Variants in STX18 observed in about 807,000 individuals in gnomAD.
STX18 encodes the protein syntaxin 18.
STX18 carries 40 observed loss-of-function variants against 50.1 expected under a neutral mutation model. That is an observed-to-expected ratio of 0.80 (90% CI 0.62 to 1.04). The LOEUF is 1.04. Ranked by LOEUF, STX18 falls within the 50% of genes least tolerant of loss-of-function variation. STX18 has a pLI of 0.00. For missense variants in STX18, 410 were observed against 415.8 expected (o/e 0.99, Z 0.12); for synonymous variants, 158 against 151.8 (o/e 1.04, Z -0.30).
In STX18 at chr4:4,438,386, A is replaced by G. The variant is rs371857532; in HGVS notation, c.613+8T>C. On this transcript the variant is annotated splice_region_variant and intron_variant, in intron 6 of 10. Coordinates refer to ENST00000306200, the MANE Select transcript of STX18 (RefSeq NM_016930.4). ...AATGCAAGGTGAGATTTTCATCTCA[A>G]TTCGTACCTGGACGTTCTTCAGTGG... is the stretch of plus-strand genomic sequence containing the variant. 431 of 1,603,088 alleles carry G rather than the reference A, an allele frequency of 2.7e-4. No homozygotes were observed. Among genetic ancestry groups the G allele is most frequent in the Non-Finnish European group, 3.6e-4 (418 of 1,172,346 alleles).
chr4:4,472,827 G>GA (rs1727988349), intron 1 of STX18, among the ~76,000 whole-genome samples: 2 of 152,160 alleles, frequency 1.3e-5, no homozygotes, highest in Admixed American at 6.5e-5. Flanking sequence ...GATCACAAAA[G>GA]AAACATCCAT....
chr4:4,474,194 G>A (rs969421908), intron 1 of STX18, among the ~76,000 whole-genome samples: 4 of 151,886 alleles, frequency 2.6e-5, no homozygotes, highest in Non-Finnish European at 4.4e-5. Context: ...TCCCATTCCC[G>A]CACAAAACGC....
intron 1 of STX18, among the ~76,000 whole-genome samples, chr4:4,495,320 T>C (rs2047646291): frequency 6.6e-6 from 1 of 152,202 alleles, no homozygotes; most frequent in African/African-American, 2.4e-5. Flanking sequence ...GTTAAAATGT[T>C]CTCTTACAAA....
intron 2 of STX18, among the ~76,000 whole-genome samples, chr4:4,461,069 C>G (rs1279254223): frequency 1.3e-5 from 2 of 152,100 alleles, no homozygotes; most frequent in African/African-American, 4.8e-5. Context: ...ATGACTAGTT[C>G]CAAGAACATT....
intron 9 of STX18, among the ~76,000 whole-genome samples, chr4:4,421,465 G>C (rs1724961234): frequency 6.6e-6 from 1 of 152,046 alleles, no homozygotes; most frequent in African/African-American, 2.4e-5. Flanking sequence ...ATGTTGCCCA[G>C]GCTGGTCTTG....
At chr4:4,515,463 A>C (rs904448974) in intron 1 of STX18, among the ~76,000 whole-genome samples, 3 of 152,182 alleles carry the variant, frequency 2.0e-5, no homozygotes, top group Non-Finnish European at 4.4e-5. Flanking sequence ...GTGGTGGTTC[A>C]TGGTAATTAA....
At chr4:4,541,119 C>T (rs1731566958) in intron 1 of STX18, among the ~76,000 whole-genome samples, 1 of 152,190 alleles carries the variant, frequency 6.6e-6, no homozygotes, top group Non-Finnish European at 1.5e-5. Flanking sequence ...ATTCAACAAA[C>T]ATTTACTAAG....
intron 1 of STX18, among the ~76,000 whole-genome samples, chr4:4,502,385 T>C (rs572839377): frequency 4.5e-4 from 68 of 152,316 alleles, no homozygotes; most frequent in African/African-American, 1.6e-3. Context: ...GTTACTAAGT[T>C]AGCAAGAAGC....
chr4:4,427,210 C>G (rs1310833409), intron 7 of STX18, among the ~76,000 whole-genome samples: 3 of 152,158 alleles, frequency 2.0e-5, no homozygotes, highest in Non-Finnish European at 4.4e-5. Flanking sequence ...ATCTGCTGCA[C>G]TCCAGACCCA....
intron 1 of STX18, among the ~76,000 whole-genome samples, chr4:4,492,837 G>A (rs1729002155): frequency 6.6e-6 from 1 of 152,124 alleles, no homozygotes; most frequent in African/African-American, 2.4e-5. Flanking sequence ...TTAAGAGATG[G>A]TAATAACAAA....
At chr4:4,528,561 C>G (rs1417590196) in intron 1 of STX18, among the ~76,000 whole-genome samples, 1 of 152,180 alleles carries the variant, frequency 6.6e-6, no homozygotes, top group Admixed American at 6.5e-5. Flanking sequence ...GAATCATAAG[C>G]CAAAATTAAC....
chr4:4,517,596 C>T (rs62286516), intron 1 of STX18, among the ~76,000 whole-genome samples: 3 of 151,942 alleles, frequency 2.0e-5, no homozygotes, highest in East Asian at 1.9e-4. Flanking sequence ...AATGCATAAA[C>T]GTGATTTATT....
intron 5 of STX18, among the ~76,000 whole-genome samples, chr4:4,441,734 C>T (rs368004618): frequency 6.6e-6 from 1 of 152,148 alleles, no homozygotes; most frequent in Non-Finnish European, 1.5e-5. Flanking sequence ...AGGTCCCATC[C>T]TGAAGCCGGA....
chr4:4,524,813 T>A (rs1730674943), intron 1 of STX18, among the ~76,000 whole-genome samples: 1 of 152,228 alleles, frequency 6.6e-6, no homozygotes, highest in Non-Finnish European at 1.5e-5. Context: ...CTGTAACTTA[T>A]AACCTTAGTA....
chr4:4,420,100 C>T lies in STX18; in HGVS notation c.942G>A (p.Val314=). Residue 314 remains valine (V), a synonymous_variant, in exon 11 of 11, where the codon GTG becomes GTA. Transcript: ENST00000306200. This position sits in a 1 kb window ranked among gnomAD's most constrained non-coding sequence, Gnocchi z 4.3. ...ACATCACGAGGAAGAAGAGGATCCACACGCGGAAGCCAGCGTTGTTTTTAA... is the reference window on the plus strand; with the variant it reads ...ACATCACGAGGAAGAAGAGGATCCATACGCGGAAGCCAGCGTTGTTTTTAA... ...EAIKNNAGFR[V]WILFFLVMCS... is the part of the protein sequence containing the mutation. 6.2e-7 allele frequency: 1 copy of T among 1,613,236 alleles called. No individual in the cohort carries two copies. The highest frequency in any genetic ancestry group is 8.5e-7 in the Non-Finnish European group (1 of 1,179,634).
At chr4:4,468,878 G>C (rs1022326890) in intron 2 of STX18, among the ~76,000 whole-genome samples, 1 of 152,100 alleles carries the variant, frequency 6.6e-6, no homozygotes, top group Non-Finnish European at 1.5e-5. Context: ...AAACAGCCCC[G>C]TATTCTCTAT....
chr4:4,502,153 G>A (rs1729488493), intron 1 of STX18, among the ~76,000 whole-genome samples: 1 of 152,132 alleles, frequency 6.6e-6, no homozygotes, highest in Non-Finnish European at 1.5e-5. Flanking sequence ...AAAAGTATCT[G>A]CCAGATACCT....
In STX18 at chr4:4,421,968, T is replaced by G. The variant is rs183822205; in HGVS notation, c.832-1024A>C. Among the ~76,000 whole-genome samples, 221 of 152,254 alleles carry G rather than the reference T, an allele frequency of 1.5e-3. 1 individual carries two copies. Among genetic ancestry groups the G allele is most frequent in the African/African-American group, 4.9e-3 (204 of 41,560 alleles). On this transcript the variant is annotated intron_variant, in intron 9 of 10. Transcript: ENST00000306200. ...AGACGTCCTTACAAGCAGGAGTGCC[T>G]GCTTCTCTCCTCCTTTCGGTGGTGG... is the stretch of plus-strand genomic sequence containing the variant.
chr4:4,503,971 T>C (rs1729577996), intron 1 of STX18, among the ~76,000 whole-genome samples: 1 of 152,120 alleles, frequency 6.6e-6, no homozygotes, highest in South Asian at 2.1e-4. Context: ...AATAGATACA[T>C]ATGAGCGGTT....
Sources: gnomAD v4.1 joint callset for allele counts (sites outside exome capture counted in the v4.1 genomes callset) on GRCh38, gnomAD v4.1.1 for gene constraint, Gnocchi (gnomAD v3.1) non-coding constraint, MANE v1.5 for transcripts, NCBI Gene and HGNC (gene_info 2026-07-23, HGNC 2026-07-21) for gene names.